PRKN: variants seen among roughly 807,000 people sequenced by gnomAD.
The protein encoded by PRKN is E3 ubiquitin-protein ligase parkin.
Under a neutral mutation model 59.5 loss-of-function variants are expected in PRKN, and 56 were observed. That is an observed-to-expected ratio of 0.94 (90% CI 0.76 to 1.18). The LOEUF is 1.18. Among genes scored for constraint, PRKN ranks in the 50% most tolerant of loss-of-function variants. PRKN has a pLI of 0.00. For missense variants in PRKN, 657 were observed against 596.4 expected (o/e 1.10, Z -1.06); for synonymous variants, 250 against 222.1 (o/e 1.13, Z -1.12).
At chr6:161,632,556 C>T (rs1187661577) in intron 7 of PRKN, among the ~76,000 whole-genome samples, 1 of 152,132 alleles carries the variant, frequency 6.6e-6, no homozygotes, top group Non-Finnish European at 1.5e-5. Flanking sequence ...CAAAATAAAT[C>T]CAGTTGTCTG....
chr6:161,867,931 T>G (rs977393218), intron 6 of PRKN, among the ~76,000 whole-genome samples: 1 of 151,754 alleles, frequency 6.6e-6, no homozygotes, highest in African/African-American at 2.4e-5. Flanking sequence ...TGGCTAATTT[T>G]TGTATTTTTA....
intron 2 of PRKN, among the ~76,000 whole-genome samples, chr6:162,279,527 G>T (rs1424914558): frequency 6.6e-6 from 1 of 152,116 alleles, no homozygotes; most frequent in Non-Finnish European, 1.5e-5. Context: ...GTTCTAATTT[G>T]ATTGCCTTGT....
At chr6:162,576,033 A>G (rs1290332645) in intron 1 of PRKN, among the ~76,000 whole-genome samples, 5 of 152,096 alleles carry the variant, frequency 3.3e-5, no homozygotes, top group Non-Finnish European at 5.9e-5. Context: ...ATGAAGTTCA[A>G]TCTCCCTGTA....
chr6:161,816,448 G>A (rs1414616619), intron 6 of PRKN, among the ~76,000 whole-genome samples: 1 of 152,064 alleles, frequency 6.6e-6, no homozygotes, highest in Non-Finnish European at 1.5e-5. Context: ...GGTCTTACCG[G>A]TGTATACATG....
chr6:162,182,590 G>A (rs1264420581), intron 4 of PRKN, among the ~76,000 whole-genome samples: 1 of 152,164 alleles, frequency 6.6e-6, no homozygotes, highest in Non-Finnish European at 1.5e-5. Context: ...TGAAACATGG[G>A]ATGGCAAGTT....
chr6:161,594,031 C>T (rs144527177), intron 7 of PRKN, among the ~76,000 whole-genome samples: 11 of 151,898 alleles, frequency 7.2e-5, no homozygotes, highest in African/African-American at 2.2e-4. Context: ...GGTATGGTGG[C>T]GCATGCCTGT....
At chr6:161,874,900 AAT>A (rs1431390456) in intron 6 of PRKN, among the ~76,000 whole-genome samples, 1 of 109,502 alleles carries the variant, frequency 9.1e-6, no homozygotes, top group African/African-American at 4.1e-5. Flanking sequence ...TATAATATAT[AAT>A]ATATATTATA....
rs770006273 is a variant in PRKN, at chr6:162,201,277, T to C, written c.413-25A>G. 1.4e-5 allele frequency: 23 copies of C among 1,611,440 alleles called. 1 individual carries two copies. The highest frequency in any genetic ancestry group is 5.0e-5 in the Admixed American group (3 of 59,992). On this transcript the variant is annotated intron_variant, in intron 3 of 11. Transcript: ENST00000366898. ...GCTGGAGAAGAAAAAGCAGAAGAAGTGGCTAATAATGCTGCATCTAAATTG... is the reference window on the plus strand; with the variant it reads ...GCTGGAGAAGAAAAAGCAGAAGAAGCGGCTAATAATGCTGCATCTAAATTG...
At chr6:162,307,327 G>C (rs1276202940) in intron 2 of PRKN, among the ~76,000 whole-genome samples, 1 of 151,456 alleles carries the variant, frequency 6.6e-6, no homozygotes, top group Non-Finnish European at 1.5e-5. Context: ...TTTAACCCAG[G>C]AGGTGGAGGT....
At chr6:162,664,209 C>A (rs1351206592) in intron 1 of PRKN, among the ~76,000 whole-genome samples, 1 of 152,166 alleles carries the variant, frequency 6.6e-6, no homozygotes, top group African/African-American at 2.4e-5. Flanking sequence ...CATGTCCCTG[C>A]AAAGGACACG....
chr6:161,943,972 C>CT (rs1441621208), intron 6 of PRKN, among the ~76,000 whole-genome samples: 1 of 148,944 alleles, frequency 6.7e-6, no homozygotes, highest in African/African-American at 2.5e-5. Context: ...AGGAAGCAGC[C>CT]TGAGGAAGCA....
chr6:162,131,740 TCA>T (rs1280000265), intron 4 of PRKN, among the ~76,000 whole-genome samples: 2 of 152,196 alleles, frequency 1.3e-5, no homozygotes, highest in African/African-American at 4.8e-5. Context: ...TTCATATATT[TCA>T]GATACAAAAA....
chr6:161,950,903 G>T (rs1305616558), intron 6 of PRKN, among the ~76,000 whole-genome samples: 2 of 151,514 alleles, frequency 1.3e-5, no homozygotes, highest in African/African-American at 4.9e-5. Flanking sequence ...GCAGCAGAGT[G>T]AAGACACTGA....
At chr6:162,339,042 GC>G (rs1171302870) in intron 2 of PRKN, among the ~76,000 whole-genome samples, 1 of 150,316 alleles carries the variant, frequency 6.7e-6, no homozygotes, top group Non-Finnish European at 1.5e-5. Context: ...GAAGTGAGGA[GC>G]CCCTCCGCCC....
chr6:161,946,784 C>T (rs908909820), intron 6 of PRKN, among the ~76,000 whole-genome samples: 1 of 152,034 alleles, frequency 6.6e-6, no homozygotes, highest in African/African-American at 2.4e-5. Flanking sequence ...AAAAAGTAAG[C>T]GATCTCAATG....
At chr6:162,511,167 T>C (rs560501515) in intron 1 of PRKN, among the ~76,000 whole-genome samples, 1 of 152,280 alleles carries the variant, frequency 6.6e-6, no homozygotes, top group South Asian at 2.1e-4. Context: ...TCCCCTTTTA[T>C]ATGTTTTCTT....
Position 161,419,620 on chromosome 6 carries a change from T to A in PRKN, c.1084-32743A>T, listed in dbSNP as rs1040877451. On this transcript the variant is annotated intron_variant, in intron 9 of 11. Transcript: ENST00000366898. This position sits in a 1 kb window ranked among gnomAD's most constrained non-coding sequence, Gnocchi z 4.1. ...CCAGGCTGGTCTCAAACTCCTGACC[T>A]CAAGTGATCTGCCCACCTCTGCCTC... Among the ~76,000 whole-genome samples the A allele has an allele frequency of 6.6e-6, 1 of 151,750 alleles. No homozygotes were observed. Among genetic ancestry groups the A allele is most frequent in the Non-Finnish European group, 1.5e-5 (1 of 67,972 alleles).
intron 9 of PRKN, among the ~76,000 whole-genome samples, chr6:161,485,857 G>T (rs968787182): frequency 2.6e-5 from 4 of 151,788 alleles, no homozygotes; most frequent in African/African-American, 9.7e-5. Flanking sequence ...AGCTCTTAAA[G>T]TATAGGAAAA....
At chr6:162,039,168 A>G (rs1017576499) in intron 5 of PRKN, among the ~76,000 whole-genome samples, 2 of 152,146 alleles carry the variant, frequency 1.3e-5, no homozygotes, top group African/African-American at 2.4e-5. Context: ...AAAAAAAAAA[A>G]AAAGTGCTTG....
Sources: gnomAD v4.1 joint callset for allele counts (sites outside exome capture counted in the v4.1 genomes callset) on GRCh38, gnomAD v4.1.1 for gene constraint, Gnocchi (gnomAD v3.1) non-coding constraint, MANE v1.5 for transcripts, NCBI Gene and HGNC (gene_info 2026-07-23, HGNC 2026-07-21) for gene names.